Variants in ADAMTSL1 observed in about 807,000 individuals in gnomAD.
The protein encoded by ADAMTSL1 is ADAMTS like 1.
In ADAMTSL1, 126 loss-of-function variants were observed where a neutral mutation model predicts 201.8. That is an observed-to-expected ratio of 0.62 (90% CI 0.54 to 0.72). The LOEUF is 0.72. Ranked by LOEUF, ADAMTSL1 falls within the 30% of genes least tolerant of loss-of-function variation. The pLI is 0.00. For missense variants in ADAMTSL1, 2,679 were observed against 2,277.8 expected (o/e 1.18, Z -3.59); for synonymous variants, 1,121 against 903.4 (o/e 1.24, Z -4.32).
intron 2 of ADAMTSL1, among the ~76,000 whole-genome samples, chr9:18,431,862 G>A (rs554793377): frequency 2.0e-4 from 30 of 152,258 alleles, no homozygotes. Context: ...TACAGATGCA[G>A]CACAACTAAT....
chr9:18,169,475 A>T (rs1002123686), intron 2 of ADAMTSL1, among the ~76,000 whole-genome samples: 1 of 152,016 alleles, frequency 6.6e-6, no homozygotes, highest in Admixed American at 6.6e-5. Flanking sequence ...GTTGTGTTCC[A>T]TTGATCTATA....
At chr9:18,759,191 T>C (rs1210212185) in intron 16 of ADAMTSL1, among the ~76,000 whole-genome samples, 1 of 152,230 alleles carries the variant, frequency 6.6e-6, no homozygotes, top group Non-Finnish European at 1.5e-5. Flanking sequence ...TGCTTAAAAC[T>C]GTGACAGTGT....
intron 1 of ADAMTSL1, among the ~76,000 whole-genome samples, chr9:18,072,388 C>T (rs1288532956): frequency 6.6e-6 from 1 of 152,140 alleles, no homozygotes; most frequent in Non-Finnish European, 1.5e-5. Flanking sequence ...GCTACTCACC[C>T]TGCAGTATTG....
At chr9:18,744,450 T>C (rs908502598) in intron 15 of ADAMTSL1, among the ~76,000 whole-genome samples, 3 of 152,256 alleles carry the variant, frequency 2.0e-5, no homozygotes, top group African/African-American at 7.2e-5. Context: ...TTTCTCTGAC[T>C]GACTTTAGGA....
intron 2 of ADAMTSL1, among the ~76,000 whole-genome samples, chr9:18,522,426 C>T (rs1818754534): frequency 6.6e-6 from 1 of 151,922 alleles, no homozygotes; most frequent in Non-Finnish European, 1.5e-5. Context: ...TGTAGAGTCT[C>T]AGGAATGTAG....
chr9:18,399,187 A>T (rs1817865682), intron 2 of ADAMTSL1, among the ~76,000 whole-genome samples: 1 of 150,184 alleles, frequency 6.7e-6, no homozygotes, highest in African/African-American at 2.5e-5. Context: ...AGGGTTGAAG[A>T]AAGCAGAACA....
intron 5 of ADAMTSL1, 167 bp downstream of exon 5, chr9:18,622,536 C>A: frequency 9.7e-7 from 1 of 1,029,770 alleles, no homozygotes; most frequent in Non-Finnish European, 1.4e-6. Flanking sequence ...TTAGGTGGGA[C>A]AAGTCAGGTT....
intron 1 of ADAMTSL1, among the ~76,000 whole-genome samples, chr9:18,064,589 C>T (rs1445362124): frequency 6.6e-6 from 1 of 152,106 alleles, no homozygotes; most frequent in Non-Finnish European, 1.5e-5. Context: ...GAACTTCTCT[C>T]TCCTTTTTAT....
At chr9:18,170,257 T>C (rs73645734) in intron 2 of ADAMTSL1, among the ~76,000 whole-genome samples, 3,034 of 152,148 alleles carry the variant, frequency 0.02, 105 homozygotes, top group African/African-American at 0.067. Flanking sequence ...ACTAATACTC[T>C]AAATCATTTC....
intron 2 of ADAMTSL1, among the ~76,000 whole-genome samples, chr9:18,280,991 T>A (rs1049786355): frequency 6.6e-6 from 1 of 150,548 alleles, no homozygotes; most frequent in African/African-American, 2.4e-5. Flanking sequence ...TCCTTCCGCC[T>A]CAGCCTCCTG....
chr9:18,491,508 A>G (rs943748159), intron 1 of ADAMTSL1, among the ~76,000 whole-genome samples: 1 of 152,234 alleles, frequency 6.6e-6, no homozygotes, highest in African/African-American at 2.4e-5. Context: ...ATTTGCTTCT[A>G]CTCTGCAAGC....
At chr9:17,980,875 G>A (rs1015017282) in intron 1 of ADAMTSL1, among the ~76,000 whole-genome samples, 6 of 152,150 alleles carry the variant, frequency 3.9e-5, no homozygotes, top group African/African-American at 9.7e-5. Context: ...AGGGGCTTCA[G>A]GCTTCTGCCC....
chr9:18,107,061 C>G (rs893662408), intron 1 of ADAMTSL1, among the ~76,000 whole-genome samples: 1 of 152,144 alleles, frequency 6.6e-6, no homozygotes, highest in African/African-American at 2.4e-5. Context: ...CATTTTTATT[C>G]ATCGTTCTTC....
chr9:18,851,872 C>T (rs958989938), intron 23 of ADAMTSL1, among the ~76,000 whole-genome samples: 15 of 152,166 alleles, frequency 9.9e-5, no homozygotes, highest in African/African-American at 3.6e-4. Flanking sequence ...CATGGTTGAG[C>T]CCACTGGCCC....
intron 2 of ADAMTSL1, among the ~76,000 whole-genome samples, chr9:18,287,243 C>T (rs1334661581): frequency 6.6e-6 from 1 of 152,068 alleles, no homozygotes. Flanking sequence ...TGTTTTGGCT[C>T]TCATTCCATT....
intron 1 of ADAMTSL1, among the ~76,000 whole-genome samples, chr9:17,953,828 G>C (rs1827826484): frequency 6.6e-6 from 1 of 152,176 alleles, no homozygotes; most frequent in African/African-American, 2.4e-5. Context: ...TGTTGATTTT[G>C]TGTGTGAGGA....
At chr9:18,667,959 T>C (rs898755951) in intron 9 of ADAMTSL1, among the ~76,000 whole-genome samples, 2 of 152,132 alleles carry the variant, frequency 1.3e-5, no homozygotes, top group African/African-American at 2.4e-5. Context: ...AGTTCACAAG[T>C]GTCTGATAAC....
At chr9:18,183,568 A>C (rs1828595894) in intron 2 of ADAMTSL1, among the ~76,000 whole-genome samples, 1 of 152,222 alleles carries the variant, frequency 6.6e-6, no homozygotes. Context: ...ACCTTAACAG[A>C]TACCTCACCA....
At chr9:18,138,419 G>A (rs144231863) in intron 1 of ADAMTSL1, among the ~76,000 whole-genome samples, 106 of 152,176 alleles carry the variant, frequency 7.0e-4, no homozygotes, top group African/African-American at 2.5e-3. Flanking sequence ...TACTTTTAGG[G>A]AGTAACGAAC....
Sources: allele counts gnomAD v4.1 joint callset (sites outside exome capture counted in the v4.1 genomes callset), GRCh38; gene constraint gnomAD v4.1.1; transcripts MANE v1.5; gene names NCBI Gene and HGNC (gene_info 2026-07-23, HGNC 2026-07-21).